The following SLC25A26 variants were observed in gnomAD, a reference collection of about 807,000 sequenced individuals.
SLC25A26 encodes the protein solute carrier family 25 member 26, also known as mitochondrial S-adenosylmethionine carrier protein.
Under a neutral mutation model 37.8 loss-of-function variants are expected in SLC25A26, and 36 were observed. The observed-to-expected ratio is 0.95, with a 90% CI of 0.73 to 1.26. The LOEUF (loss-of-function observed/expected upper bound fraction) is 1.26, where lower values mean the gene tolerates loss of function less well. Among genes scored for constraint, SLC25A26 ranks in the 50% most tolerant of loss-of-function variants. SLC25A26 has a pLI of 0.00. For missense variants in SLC25A26, 390 were observed against 331.1 expected, an observed-to-expected ratio of 1.18 and a Z score of -1.38; for synonymous variants, 129 against 122.5, an observed-to-expected ratio of 1.05 and a Z score of -0.35.
At chr3:66,183,331 T>C (rs2070752753) in intron 1 of SLC25A26, among the ~76,000 whole-genome samples, 1 of 152,094 alleles carries the variant, frequency 6.6e-6, no homozygotes, top group Admixed American at 6.5e-5. Context: ...ACCCAGACTC[T>C]GACCCTGACA....
intron 1 of SLC25A26, among the ~76,000 whole-genome samples, chr3:66,236,306 T>G (rs1206715284): frequency 6.6e-6 from 1 of 151,238 alleles, no homozygotes; most frequent in Admixed American, 6.6e-5. Context: ...TTATTAAAAA[T>G]TGATTTAAAA....
chr3:66,286,017 C>T (rs1009486227), intron 5 of SLC25A26, among the ~76,000 whole-genome samples: 15 of 152,274 alleles, frequency 9.9e-5, no homozygotes, highest in South Asian at 2.1e-4. Context: ...ATCTTTTTAT[C>T]GTGAAGTATC....
At chr3:66,149,713 C>T (rs1430904273) in intron 1 of SLC25A26, among the ~76,000 whole-genome samples, 1 of 152,152 alleles carries the variant, frequency 6.6e-6, no homozygotes, top group Non-Finnish European at 1.5e-5. Context: ...CAAACCTTTG[C>T]TCAACTGTAA....
At chr3:66,208,885 T>TATATAC (rs1196757082) in intron 1 of SLC25A26, among the ~76,000 whole-genome samples, 1 of 105,604 alleles carries the variant, frequency 9.5e-6, no homozygotes, top group Non-Finnish European at 1.9e-5. Flanking sequence ...TATATATATA[T>TATATAC]ACACCTTTAT....
intron 5 of SLC25A26, among the ~76,000 whole-genome samples, chr3:66,284,774 A>G (rs2074454788): frequency 6.6e-6 from 1 of 152,196 alleles, no homozygotes; most frequent in Non-Finnish European, 1.5e-5. Context: ...GGTGCAGCAA[A>G]TATATATTTA....
chr3:66,291,466 C>G (rs1351278385), intron 5 of SLC25A26, among the ~76,000 whole-genome samples: 1 of 152,214 alleles, frequency 6.6e-6, no homozygotes, highest in Non-Finnish European at 1.5e-5. Flanking sequence ...GTCTAAAACA[C>G]TGCTTTAGCT....
Position 66,295,405 on chromosome 3 carries a change from G to T in SLC25A26, c.453+32026G>T, listed in dbSNP as rs547124421. ...TACCTGTCTAATTTTTTGTATTTTT[G>T]TTTTTTTTTTTTTTTTGAGATGGAG... On this transcript the variant is annotated intron_variant, in intron 5 of 9. Transcript: ENST00000354883. Among the ~76,000 whole-genome samples, 237 of 120,922 alleles carry T rather than the reference G, an allele frequency of 2.0e-3. 1 individual carries two copies. Among genetic ancestry groups the T allele is most frequent in the South Asian group, 3.9e-3 (14 of 3,606 alleles). The allele number at this position is 120,922 out of a possible 152,430, so 79.3% of individuals were successfully genotyped here.
At chr3:66,234,398 A>T (rs2072177238) in intron 1 of SLC25A26, among the ~76,000 whole-genome samples, 1 of 152,146 alleles carries the variant, frequency 6.6e-6, no homozygotes, top group African/African-American at 2.4e-5. Context: ...AAGAAATCCC[A>T]CGTTATTGGA....
intron 9 of SLC25A26, among the ~76,000 whole-genome samples, chr3:66,375,922 G>C (rs1275239654): frequency 6.6e-6 from 1 of 151,732 alleles, no homozygotes; most frequent in Non-Finnish European, 1.5e-5. Flanking sequence ...AAGCCTTCTA[G>C]AAAGGAGTCA....
At chr3:66,300,251 G>GTTTTT (rs1309490705) in intron 5 of SLC25A26, among the ~76,000 whole-genome samples, 1,809 of 110,944 alleles carry the variant, frequency 0.016, 51 homozygotes, top group Non-Finnish European at 0.025. Flanking sequence ...GGGTTTTTTT[G>GTTTTT]TTTTGTTTTT....
intron 5 of SLC25A26, among the ~76,000 whole-genome samples, chr3:66,276,633 CTTT>C (rs1291060945): frequency 6.8e-6 from 1 of 147,966 alleles, no homozygotes; most frequent in Non-Finnish European, 1.5e-5. Context: ...GTAGTCTGTC[CTTT>C]TTTGTTCCCT....
At chr3:66,350,692 CTG>C (rs147526506) in intron 6 of SLC25A26, among the ~76,000 whole-genome samples, 6,493 of 134,846 alleles carry the variant, frequency 0.048, 425 homozygotes, top group African/African-American at 0.15. Flanking sequence ...GCCCTATACT[CTG>C]TGTGTGTGTG....
intron 5 of SLC25A26, among the ~76,000 whole-genome samples, chr3:66,343,842 C>T (rs146007958): frequency 6.6e-6 from 1 of 152,276 alleles, no homozygotes; most frequent in African/African-American, 2.4e-5. Flanking sequence ...ACCTATTACA[C>T]AGTCAAGTTA....
At chr3:66,204,282 C>T (rs1296615356) in intron 1 of SLC25A26, among the ~76,000 whole-genome samples, 12 of 151,644 alleles carry the variant, frequency 7.9e-5, no homozygotes, top group Non-Finnish European at 1.8e-4. Flanking sequence ...AAAAATTAGC[C>T]GGGCGTAGTG....
chr3:66,245,501 G>T (rs1037782610), intron 3 of SLC25A26, among the ~76,000 whole-genome samples: 3 of 152,052 alleles, frequency 2.0e-5, no homozygotes, highest in Non-Finnish European at 2.9e-5. Flanking sequence ...GAAGATAAAG[G>T]TCTTAAGTTT....
At chr3:66,181,002 G>A (rs1199640448) in intron 1 of SLC25A26, among the ~76,000 whole-genome samples, 1 of 152,184 alleles carries the variant, frequency 6.6e-6, no homozygotes, top group Non-Finnish European at 1.5e-5. Context: ...ACAAGGAGAG[G>A]GCAGCTGTCT....
intron 1 of SLC25A26, among the ~76,000 whole-genome samples, chr3:66,208,742 G>T (rs2071216937): frequency 1.5e-5 from 2 of 135,510 alleles, no homozygotes; most frequent in Non-Finnish European, 3.1e-5. Flanking sequence ...ACATTTATAT[G>T]GGTGTATATA....
In SLC25A26 at chr3:66,165,225, G is replaced by A. The variant is rs137910905; in HGVS notation, c.-354+31241G>A. On this transcript the variant is annotated intron_variant, in intron 1 of 10. Transcript: ENST00000676754. ...AACTTGCCAGTCATGCGAGTGAGCCGCCCTGGAAGTAGATTCTCTAGCCCT... is the reference window on the plus strand; with the variant it reads ...AACTTGCCAGTCATGCGAGTGAGCCACCCTGGAAGTAGATTCTCTAGCCCT... Among the ~76,000 whole-genome samples, 429 of 152,278 alleles carry A rather than the reference G, an allele frequency of 2.8e-3. 2 individuals carry two copies. Among genetic ancestry groups the A allele is most frequent in the African/African-American group, 6.8e-3 (284 of 41,554 alleles).
chr3:66,188,875 C>G (rs1256876972), intron 1 of SLC25A26, among the ~76,000 whole-genome samples: 1 of 152,006 alleles, frequency 6.6e-6, no homozygotes, highest in East Asian at 1.9e-4. Flanking sequence ...ACCTGATGCC[C>G]TAGCCTTGAC....
Sources: gnomAD v4.1 joint callset for allele counts (sites outside exome capture counted in the v4.1 genomes callset) on GRCh38, gnomAD v4.1.1 for gene constraint, MANE v1.5 for transcripts, NCBI Gene and HGNC (gene_info 2026-07-23, HGNC 2026-07-21) for gene names.